The following UGT8 variants were observed in gnomAD, a reference collection of about 807,000 sequenced individuals.
The protein encoded by UGT8 is 2-hydroxyacylsphingosine 1-beta-galactosyltransferase.
In UGT8, 12 loss-of-function variants were observed where a neutral mutation model predicts 40.5. The ratio of observed to expected loss-of-function variants is 0.30; its 90% CI spans 0.19 to 0.48. The LOEUF is 0.48. UGT8 is among the 20% of genes least tolerant of loss of function. The pLI is 0.99. For missense variants in UGT8, 513 were observed against 648.7 expected, an observed-to-expected ratio of 0.79 and a Z score of 2.27; for synonymous variants, 224 against 240.4, an observed-to-expected ratio of 0.93 and a Z score of 0.63.
chr4:114,667,951 T>TGTAAA (rs1734991283), intron 4 of UGT8, 134 bp from the exon 5 acceptor site: 5 of 1,434,126 alleles, frequency 3.5e-6, no homozygotes, highest in Non-Finnish European at 3.6e-6. Context: ...CAGGAATCAG[T>TGTAAA]GAAATTACAC....
chr4:114,640,187 C>T (rs1167741715), intron 2 of UGT8, among the ~76,000 whole-genome samples: 9 of 151,970 alleles, frequency 5.9e-5, no homozygotes, highest in South Asian at 2.1e-4. Flanking sequence ...CCCGCCACCA[C>T]GCCTGGCTAA....
At chr4:114,604,447 GGTTT>G (rs1206982030) in intron 1 of UGT8, among the ~76,000 whole-genome samples, 1 of 142,930 alleles carries the variant, frequency 7.0e-6, no homozygotes, top group Admixed American at 6.9e-5. Context: ...GATTTGTAGA[GGTTT>G]GTTTGCTTTT....
intron 2 of UGT8, among the ~76,000 whole-genome samples, chr4:114,650,062 A>G (rs906130510): frequency 6.6e-6 from 1 of 152,190 alleles, no homozygotes; most frequent in African/African-American, 2.4e-5. Context: ...CCCTGAGCTC[A>G]CATGGCGATT....
chr4:114,635,471 T>C (rs748900528), intron 2 of UGT8, among the ~76,000 whole-genome samples: 30 of 152,212 alleles, frequency 2.0e-4, no homozygotes, highest in Non-Finnish European at 4.1e-4. Flanking sequence ...TTTCTTCAAC[T>C]ATAATCTTAA....
intron 2 of UGT8, among the ~76,000 whole-genome samples, chr4:114,646,715 T>C (rs944406464): frequency 1.3e-5 from 2 of 152,242 alleles, no homozygotes; most frequent in African/African-American, 4.8e-5. Context: ...GCAAGTCTCT[T>C]GAAATAGATT....
chr4:114,605,060 T>C (rs2126084262), intron 1 of UGT8, among the ~76,000 whole-genome samples: 1 of 152,302 alleles, frequency 6.6e-6, no homozygotes, highest in East Asian at 1.9e-4. Flanking sequence ...CTATATATTG[T>C]CATGCTCAGC....
intron 5 of UGT8, among the ~76,000 whole-genome samples, chr4:114,674,813 A>G (rs1039684312): frequency 2.2e-4 from 34 of 152,200 alleles, no homozygotes; most frequent in Admixed American, 2.2e-3. Flanking sequence ...TAGATTTTGT[A>G]TCTCTTGAGG....
rs1329494343 is a variant in UGT8 at position 114,600,064 on chromosome 4, A to T, written c.-3+1090A>T. Among the ~76,000 whole-genome samples, 3 of 152,116 alleles carry T rather than the reference A, an allele frequency of 2.0e-5. No individual in the cohort carries two copies. In the East Asian group the frequency reaches 5.8e-4, roughly 29 times the overall value. ...GAGGAGAGAAGGTAGAGAACTTCTG[A>T]GAGAGTTCTGAGAACTAACGCGAAT... On this transcript the variant is annotated intron_variant, in intron 1 of 5. Transcript: ENST00000310836.
rs571196750 is a variant in UGT8, at chr4:114,649,586, A to G, written c.823-14409A>G. On this transcript the variant is annotated intron_variant, in intron 2 of 5. Transcript: ENST00000310836. ...TGCAACCCTCAACCCCACGGTCAAG[A>G]TGGCTGCTTGGCTGCTGCATTCTGG... 4.6e-5 allele frequency among the ~76,000 whole-genome samples: 7 copies of G among 152,218 alleles called. No individual in the cohort carries two copies. The South Asian group carries it at 1.2e-3, about 27-fold the overall frequency.
chr4:114,615,929 G>T (rs1328265204), intron 1 of UGT8, among the ~76,000 whole-genome samples: 2 of 152,044 alleles, frequency 1.3e-5, no homozygotes, highest in Non-Finnish European at 2.9e-5. Flanking sequence ...TTGGTGAACA[G>T]CAAATGTTGC....
rs1735637382 is a variant in UGT8 at position 114,676,216 on chromosome 4, T to C, written c.1554T>C (p.His518=). The change falls in exon 6 of 6, where the codon CAT becomes CAC. Residue 518 remains histidine (H), a synonymous_variant. Coordinates refer to ENST00000310836, the MANE Select transcript of UGT8 (RefSeq NM_001128174.3). The part of the protein sequence containing the change: ...SRNKHSTVNG[H]YHNGILNGKY... The stretch of plus-strand genomic sequence containing the variant: ...ATAAGCATAGCACAGTTAATGGACA[T>C]TACCACAATGGAATCCTCAATGGCA... 2 of 1,613,818 alleles carry C rather than the reference T, an allele frequency of 1.2e-6. No individual in the cohort carries two copies. The highest frequency in any genetic ancestry group is 1.1e-5 in the South Asian group (1 of 91,002).
chr4:114,620,767 C>G (rs1208394468), intron 1 of UGT8, among the ~76,000 whole-genome samples: 1 of 152,086 alleles, frequency 6.6e-6, no homozygotes, highest in Admixed American at 6.6e-5. Context: ...TTGGAAGAAT[C>G]TATTAGTTGC....
intron 1 of UGT8, among the ~76,000 whole-genome samples, chr4:114,601,492 T>C: frequency 6.6e-6 from 1 of 152,178 alleles, no homozygotes; most frequent in East Asian, 1.9e-4. Flanking sequence ...ATGCAAGATA[T>C]AGTATCTCAT....
chr4:114,629,697 T>C (rs1473113140), intron 2 of UGT8, among the ~76,000 whole-genome samples: 1 of 152,216 alleles, frequency 6.6e-6, no homozygotes, highest in African/African-American at 2.4e-5. Context: ...ACAAAAATTT[T>C]CTAAGCAACA....
chr4:114,669,284 G>T (rs2126136437), intron 5 of UGT8, among the ~76,000 whole-genome samples: 1 of 152,156 alleles, frequency 6.6e-6, no homozygotes, highest in South Asian at 2.1e-4. Context: ...GGAGCAATGT[G>T]TTCCATAACT....
At chr4:114,666,738 T>TC (rs1312523376) in intron 4 of UGT8, among the ~76,000 whole-genome samples, 59 of 152,252 alleles carry the variant, frequency 3.9e-4, no homozygotes, top group African/African-American at 1.4e-3. Context: ...TTTCTTTTTT[T>TC]CTTTTTTTTG....
At chr4:114,672,153 T>C (rs1735331955) in intron 5 of UGT8, among the ~76,000 whole-genome samples, 1 of 152,188 alleles carries the variant, frequency 6.6e-6, no homozygotes, top group Admixed American at 6.5e-5. Flanking sequence ...TGGTGATTAT[T>C]AAAAAGTCAG....
At chr4:114,644,744 T>G (rs1373339013) in intron 2 of UGT8, among the ~76,000 whole-genome samples, 6 of 152,158 alleles carry the variant, frequency 3.9e-5, no homozygotes, top group Non-Finnish European at 7.3e-5. Context: ...CACCTATCCT[T>G]CCTCTCTTTC....
chr4:114,663,863 A>C, intron 2 of UGT8, 132 bp from the exon 3 acceptor site: 1 of 1,439,426 alleles, frequency 6.9e-7, no homozygotes. Context: ...TTAGAAGAAA[A>C]TATCATATCC....
Sources: allele counts gnomAD v4.1 joint callset (sites outside exome capture counted in the v4.1 genomes callset), GRCh38; gene constraint gnomAD v4.1.1; transcripts MANE v1.5; gene names NCBI Gene and HGNC (gene_info 2026-07-23, HGNC 2026-07-21).